The following CA10 variants were observed in gnomAD, a reference collection of about 807,000 sequenced individuals.
CA10 encodes carbonic anhydrase-related protein 10.
In CA10, 14 loss-of-function variants were observed where a neutral mutation model predicts 44.2. The observed-to-expected ratio is 0.32, with a 90% CI of 0.21 to 0.50. The LOEUF is 0.50. Among genes scored for constraint, CA10 ranks in the 20% least tolerant of loss-of-function variants. The probability of loss-of-function intolerance (pLI) is 0.99; values close to 1 mark genes in which losing one functional copy is unlikely to be tolerated. For missense variants in CA10, 350 were observed against 409.7 expected (o/e 0.85, Z 1.26); for synonymous variants, 159 against 141.6 (o/e 1.12, Z -0.87).
rs1239320265 is a variant in CA10 at position 51,797,005 on chromosome 17, A to ATTTTACT, written c.280-49188_280-49187insAGTAAAA. On this transcript the variant is annotated intron_variant, in intron 3 of 8. Transcript: ENST00000451037. ...TAAAGGCCTCCTTTTTACTGCCAGA[A>ATTTTACT]GCATCTCATACACACTTAGATTTCT... Among the ~76,000 whole-genome samples, 37 of 152,304 alleles carry ATTTTACT rather than the reference A, an allele frequency of 2.4e-4. 1 individual carries two copies. Among genetic ancestry groups the ATTTTACT allele is most frequent in the African/African-American group, 8.7e-4 (36 of 41,578 alleles).
chr17:51,834,026 C>G (rs1031278270), intron 3 of CA10, among the ~76,000 whole-genome samples: 2 of 152,180 alleles, frequency 1.3e-5, no homozygotes, highest in African/African-American at 2.4e-5. Context: ...ACTTTCTTTT[C>G]CTATTTACAG....
chr17:51,716,573 G>T (rs1916121479), intron 4 of CA10, among the ~76,000 whole-genome samples: 1 of 152,108 alleles, frequency 6.6e-6, no homozygotes, highest in Non-Finnish European at 1.5e-5. Context: ...TGGTTGGAGT[G>T]GGTAGCAGGG....
At chr17:51,638,865 CA>C (rs1353519149) in intron 6 of CA10, among the ~76,000 whole-genome samples, 1 of 152,064 alleles carries the variant, frequency 6.6e-6, no homozygotes, top group Non-Finnish European at 1.5e-5. Context: ...GGTAGGGTGT[CA>C]AGGCCACTGT....
chr17:52,045,740 T>A (rs544175986), intron 2 of CA10, among the ~76,000 whole-genome samples: 42 of 152,094 alleles, frequency 2.8e-4, no homozygotes, highest in African/African-American at 9.9e-4. Context: ...TGAAAAACAC[T>A]TTCAACCAAT....
chr17:52,078,869 CTCTG>C (rs1480415778), intron 1 of CA10, among the ~76,000 whole-genome samples: 1 of 152,204 alleles, frequency 6.6e-6, no homozygotes, highest in African/African-American at 2.4e-5. Flanking sequence ...TCTGTGCACT[CTCTG>C]TATTATGTGT....
chr17:51,708,709 G>A (rs1241714693), intron 4 of CA10, among the ~76,000 whole-genome samples: 1 of 152,210 alleles, frequency 6.6e-6, no homozygotes, highest in Non-Finnish European at 1.5e-5. Context: ...CTAATCAGCT[G>A]CCAGTGCAGG....
At chr17:51,743,395 A>G (rs1000786003) in intron 4 of CA10, among the ~76,000 whole-genome samples, 1 of 151,418 alleles carries the variant, frequency 6.6e-6, no homozygotes, top group Admixed American at 6.6e-5. Flanking sequence ...TAAGGGTCTT[A>G]CTTATTAAAA....
At chr17:51,770,352 A>G (rs1905556692) in intron 3 of CA10, among the ~76,000 whole-genome samples, 1 of 151,846 alleles carries the variant, frequency 6.6e-6, no homozygotes, top group African/African-American at 2.4e-5. Context: ...TCCATATGCT[A>G]TGGAGAAACA....
rs548841695 is a variant in CA10 at position 52,000,596 on chromosome 17, C to T, written c.137-69464G>A. Among the ~76,000 whole-genome samples, 9 of 152,104 alleles carry T rather than the reference C, an allele frequency of 5.9e-5. No individual in the cohort carries two copies. In the East Asian group the frequency reaches 1.8e-3, roughly 30 times the overall value. On this transcript the variant is annotated intron_variant, in intron 2 of 8. Transcript: ENST00000451037. ...ACACCCACTTAAGAGGAAATAAGCA[C>T]AGAGTATAAAAATGGCTTGCTTGAA...
At chr17:51,865,764 G>A (rs1355114934) in intron 3 of CA10, among the ~76,000 whole-genome samples, 1 of 152,172 alleles carries the variant, frequency 6.6e-6, no homozygotes, top group African/African-American at 2.4e-5. Flanking sequence ...GAGATGCCAT[G>A]GTTCATGCTT....
At chr17:51,956,201 G>T (rs560366274) in intron 2 of CA10, among the ~76,000 whole-genome samples, 13 of 152,062 alleles carry the variant, frequency 8.5e-5, no homozygotes, top group African/African-American at 3.1e-4. Flanking sequence ...AACAATACTT[G>T]GTTCTCCATG....
intron 2 of CA10, among the ~76,000 whole-genome samples, chr17:51,935,110 C>T (rs1982814032): frequency 6.6e-6 from 1 of 152,126 alleles, no homozygotes; most frequent in Non-Finnish European, 1.5e-5. Flanking sequence ...TGATACTTAA[C>T]TACCCTTCAT....
At chr17:52,116,122 G>C (rs1040907563) in intron 1 of CA10, among the ~76,000 whole-genome samples, 1 of 151,816 alleles carries the variant, frequency 6.6e-6, no homozygotes, top group South Asian at 2.1e-4. Flanking sequence ...CTCCCTGTTG[G>C]AGAAACCCAT....
At chr17:51,751,358 TACA>T (rs1168031433) in intron 3 of CA10, among the ~76,000 whole-genome samples, 1 of 152,218 alleles carries the variant, frequency 6.6e-6, no homozygotes, top group Admixed American at 6.5e-5. Context: ...GTGATGGTTG[TACA>T]ACAATATGAA....
intron 4 of CA10, among the ~76,000 whole-genome samples, chr17:51,722,500 GAA>G (rs1469630211): frequency 6.6e-6 from 1 of 152,184 alleles, no homozygotes; most frequent in Non-Finnish European, 1.5e-5. Flanking sequence ...GAAGAAATGA[GAA>G]AGAGGGATAT....
chr17:51,655,222 A>G (rs1913745026), intron 4 of CA10, among the ~76,000 whole-genome samples: 1 of 152,224 alleles, frequency 6.6e-6, no homozygotes. Context: ...CCCATAACAT[A>G]TTTAACCATC....
rs71381358 is a variant in CA10, at chr17:51,919,505, C to T, written c.279+11485G>A. 6.8e-3 allele frequency among the ~76,000 whole-genome samples: 1,036 copies of T among 151,910 alleles called. 4 individuals are homozygous for T. Among genetic ancestry groups the T allele is most frequent in the Non-Finnish European group, 0.011 (753 of 68,030 alleles). ...GGTGGAGCTAGTCTGTAAAACTTAG[C>T]TCATGTTTTTTTCTTTTCTCTCCCA... On this transcript the variant is annotated intron_variant, in intron 3 of 8. Coordinates refer to ENST00000451037, the MANE Select transcript of CA10 (RefSeq NM_020178.5).
At chr17:52,051,797 T>C (rs1305930565) in intron 2 of CA10, among the ~76,000 whole-genome samples, 1 of 152,076 alleles carries the variant, frequency 6.6e-6, no homozygotes, top group African/African-American at 2.4e-5. Flanking sequence ...CAAAAGGACA[T>C]AAATCATTCT....
At chr17:51,888,768 T>A (rs1386856543) in intron 3 of CA10, among the ~76,000 whole-genome samples, 1 of 152,198 alleles carries the variant, frequency 6.6e-6, no homozygotes, top group Non-Finnish European at 1.5e-5. Context: ...ATCTTTGTAG[T>A]GTGTTCTGCT....
Sources: allele counts gnomAD v4.1 joint callset (sites outside exome capture counted in the v4.1 genomes callset), GRCh38; gene constraint gnomAD v4.1.1; transcripts MANE v1.5; gene names NCBI Gene and HGNC (gene_info 2026-07-23, HGNC 2026-07-21).